The following ROBO2 variants were observed in gnomAD, a reference collection of about 807,000 sequenced individuals.
The protein encoded by ROBO2 is roundabout homolog 2.
A neutral mutation model predicts 160.8 loss-of-function variants in ROBO2; 53 were observed. The ratio of observed to expected loss-of-function variants is 0.33; its 90% CI spans 0.26 to 0.41. The LOEUF (loss-of-function observed/expected upper bound fraction) is 0.41. Ranked by LOEUF, ROBO2 falls within the 10% of genes least tolerant of loss-of-function variation. The pLI is 1.00. For missense variants in ROBO2, 1,577 were observed against 1,722.4 expected (o/e 0.92, Z 1.49); for synonymous variants, 664 against 611.7 (o/e 1.09, Z -1.26).
chr3:77,173,839 G>A (rs1226026997), intron 2 of ROBO2, among the ~76,000 whole-genome samples: 1 of 152,030 alleles, frequency 6.6e-6, no homozygotes, highest in Admixed American at 6.6e-5. Flanking sequence ...TAATTCTCAT[G>A]AGGTTAGAAA....
intron 2 of ROBO2, among the ~76,000 whole-genome samples, chr3:76,869,855 T>A (rs2148669864): frequency 6.6e-6 from 1 of 152,278 alleles, no homozygotes; most frequent in South Asian, 2.1e-4. Flanking sequence ...TTTGGAGCGT[T>A]GTTTCAGTTT....
chr3:76,252,716 ACACT>A (rs766304765), intron 2 of ROBO2, among the ~76,000 whole-genome samples: 15 of 151,656 alleles, frequency 9.9e-5, no homozygotes, highest in East Asian at 1.9e-4. Flanking sequence ...ATATATACAC[ACACT>A]CACATATATA....
intron 2 of ROBO2, among the ~76,000 whole-genome samples, chr3:77,347,660 T>C (rs2153455784): frequency 6.6e-6 from 1 of 152,230 alleles, no homozygotes; most frequent in South Asian, 2.1e-4. Flanking sequence ...CTAATTATGA[T>C]GGCCTTGTTA....
At chr3:76,469,655 A>G (rs2078548708) in intron 2 of ROBO2, among the ~76,000 whole-genome samples, 1 of 152,112 alleles carries the variant, frequency 6.6e-6, no homozygotes, top group Non-Finnish European at 1.5e-5. Flanking sequence ...TCTAGAAGGT[A>G]GAATGACTAT....
At chr3:76,601,135 A>G (rs920105131) in intron 2 of ROBO2, among the ~76,000 whole-genome samples, 30 of 152,166 alleles carry the variant, frequency 2.0e-4, no homozygotes, top group African/African-American at 7.2e-4. Flanking sequence ...GTGGGTTCCC[A>G]TGGTCTTGGG....
intron 2 of ROBO2, among the ~76,000 whole-genome samples, chr3:76,226,246 A>G (rs150137841): frequency 0.013 from 1,920 of 152,320 alleles, 33 homozygotes; most frequent in African/African-American, 0.044. Flanking sequence ...TTAAGGATAG[A>G]TATGAAATAA....
intron 2 of ROBO2, among the ~76,000 whole-genome samples, chr3:76,731,091 T>TGTGTTGTCTTCCTCA (rs1173857434): frequency 6.6e-6 from 1 of 152,152 alleles, no homozygotes; most frequent in African/African-American, 2.4e-5. Context: ...GGAGACACAC[T>TGTGTTGTCTTCCTCA]GTGTTGTGTT....
In ROBO2 at chr3:76,061,122, A is replaced by G. The variant is rs143601253; in HGVS notation, c.109+123520A>G. On this transcript the variant is annotated intron_variant, in intron 2 of 26. Transcript: ENST00000487694. ...TAAAGATTGCAAAAAATCAATGTCAAGGTGACTTCACATGTGCAAATTCTC... is the reference window on the plus strand; with the variant it reads ...TAAAGATTGCAAAAAATCAATGTCAGGGTGACTTCACATGTGCAAATTCTC... Among the ~76,000 whole-genome samples, 659 of 152,340 alleles carry G rather than the reference A, an allele frequency of 4.3e-3. 2 individuals carry two copies. The highest frequency in any genetic ancestry group is 0.015 in the African/African-American group (609 of 41,574).
intron 2 of ROBO2, among the ~76,000 whole-genome samples, chr3:77,019,586 G>T (rs2062496677): frequency 6.6e-6 from 1 of 152,166 alleles, no homozygotes. Context: ...ATGAAAGGGA[G>T]AATGTACACA....
intron 15 of ROBO2, 98 bp from the exon 17 acceptor site, chr3:77,579,849 A>G: frequency 8.9e-7 from 1 of 1,122,514 alleles, no homozygotes; most frequent in Non-Finnish European, 1.3e-6. Context: ...TAGAAGATAG[A>G]CAGGTTATGA....
intron 20 of ROBO2, among the ~76,000 whole-genome samples, chr3:77,604,479 C>G (rs994958905): frequency 8.6e-5 from 13 of 152,022 alleles, no homozygotes; most frequent in Non-Finnish European, 1.3e-4. Flanking sequence ...TAAAAGTTGT[C>G]TTTTGAGTAA....
chr3:77,166,683 C>T (rs573960103), intron 2 of ROBO2, among the ~76,000 whole-genome samples: 3 of 152,172 alleles, frequency 2.0e-5, no homozygotes, highest in South Asian at 2.1e-4. Context: ...CTCAGCCTCC[C>T]GAGTAGCTGG....
intron 2 of ROBO2, among the ~76,000 whole-genome samples, chr3:77,475,111 C>T (rs2083845860): frequency 6.6e-6 from 1 of 151,890 alleles, no homozygotes; most frequent in South Asian, 2.1e-4. Flanking sequence ...ATCCTGAAGA[C>T]TTAGGGTTAA....
intron 2 of ROBO2, among the ~76,000 whole-genome samples, chr3:76,009,324 C>T (rs1334411091): frequency 1.3e-5 from 2 of 152,088 alleles, no homozygotes; most frequent in Admixed American, 6.5e-5. Context: ...AGGATGGTCT[C>T]GATCTCCTGA....
chr3:76,558,814 G>T (rs1263806772), intron 2 of ROBO2, among the ~76,000 whole-genome samples: 3 of 152,132 alleles, frequency 2.0e-5, no homozygotes, highest in African/African-American at 7.2e-5. Flanking sequence ...GAATAAATCA[G>T]TTTGTTTGAA....
chr3:76,585,789 G>A (rs960522353), intron 2 of ROBO2, among the ~76,000 whole-genome samples: 17 of 152,142 alleles, frequency 1.1e-4, no homozygotes, highest in African/African-American at 3.9e-4. Context: ...TGTTATTCCA[G>A]GTGTGTTTGG....
intron 2 of ROBO2, among the ~76,000 whole-genome samples, chr3:76,478,638 A>G (rs911638837): frequency 1.3e-5 from 2 of 151,524 alleles, no homozygotes; most frequent in Non-Finnish European, 2.9e-5. Flanking sequence ...AAACAGTTGC[A>G]TACTAACCAA....
At chr3:76,998,754 A>G (rs1033999544) in intron 2 of ROBO2, among the ~76,000 whole-genome samples, 9 of 152,134 alleles carry the variant, frequency 5.9e-5, no homozygotes, top group African/African-American at 1.9e-4. Flanking sequence ...TTGGTGATTG[A>G]TGAAGCCTAT....
intron 2 of ROBO2, among the ~76,000 whole-genome samples, chr3:76,796,540 G>GAA (rs2063716989): frequency 3.4e-5 from 5 of 147,448 alleles, no homozygotes; most frequent in Admixed American, 3.4e-4. Context: ...AGGAAGGAAG[G>GAA]GAGGAGCCAC....
Sources: gnomAD v4.1 joint callset for allele counts (sites outside exome capture counted in the v4.1 genomes callset) on GRCh38, gnomAD v4.1.1 for gene constraint, MANE v1.5 for transcripts, NCBI Gene and HGNC (gene_info 2026-07-23, HGNC 2026-07-21) for gene names.